SSB: variants seen among roughly 807,000 people sequenced by gnomAD.
SSB encodes the protein lupus La protein.
SSB carries 17 observed loss-of-function variants against 52.9 expected under a neutral mutation model. The ratio of observed to expected loss-of-function variants is 0.32; its 90% confidence interval spans 0.22 to 0.48. The LOEUF (loss-of-function observed/expected upper bound fraction) is 0.48, where lower values mean the gene tolerates loss of function less well. Among genes scored for constraint, SSB ranks in the 20% least tolerant of loss-of-function variants. The probability of loss-of-function intolerance (pLI) is 0.99; values close to 1 mark genes in which losing one functional copy is unlikely to be tolerated. For missense variants in SSB, 314 were observed against 463.6 expected (o/e 0.68, Z 2.96); for synonymous variants, 111 against 152.1 (o/e 0.73, Z 1.99).
chr2:169,804,598 T>G (rs1466147890), intron 2 of SSB, among the ~76,000 whole-genome samples: 1 of 151,774 alleles, frequency 6.6e-6, no homozygotes, highest in East Asian at 2.0e-4. Flanking sequence ...CAGGCTGGAA[T>G]GCAGTGGCAC....
At chr2:169,811,160 A>C (rs761375360) in intron 10 of SSB, 23 bp from the exon 11 acceptor site, 55 of 1,598,538 alleles carry the variant, frequency 3.4e-5, no homozygotes, top group Admixed American at 2.0e-4. Flanking sequence ...TTCTTTACAG[A>C]GTGCTCAATT....
chr2:169,807,174 G>GT (rs1689847163), intron 6 of SSB, 103 bp downstream of exon 6: 1 of 851,680 alleles, frequency 1.2e-6, no homozygotes, highest in African/African-American at 1.7e-5. Context: ...AATATTCTTA[G>GT]TATCTTTAGA....
At chr2:169,806,657 C>G in intron 4 of SSB, 128 bp from the exon 5 acceptor site, 1 of 707,856 alleles carries the variant, frequency 1.4e-6, no homozygotes, top group Non-Finnish European at 2.3e-6. Flanking sequence ...AAGTGATTAA[C>G]AAAGAGAAAT....
intron 6 of SSB, 22 bp from the exon 7 acceptor site, chr2:169,808,460 C>T: frequency 6.2e-7 from 1 of 1,603,026 alleles, no homozygotes; most frequent in South Asian, 1.1e-5. Context: ...TGAACTTAGC[C>T]TCTGTACTGT....
intron 2 of SSB, 85 bp downstream of exon 2, chr2:169,801,111 A>G: frequency 1.8e-6 from 2 of 1,126,370 alleles, no homozygotes; most frequent in South Asian, 1.7e-5. Flanking sequence ...ACATGGACAT[A>G]TTCAACATTT....
chr2:169,801,509 G>GTTTTTTTT (rs79940369), intron 2 of SSB, among the ~76,000 whole-genome samples: 8 of 73,680 alleles, frequency 1.1e-4, no homozygotes, highest in African/African-American at 2.1e-4. Context: ...CTTTAATATA[G>GTTTTTTTT]TTTTTTTTTT....
rs1184955701 is a variant in SSB at position 169,807,116 on chromosome 2, GACAC to G, written c.554+50_554+53del. On this transcript the variant is annotated intron_variant, in intron 6 of 11. Transcript: ENST00000260956. ...TTTCTCCTGGCCTTTTACTTATATG[GACAC>G]ACACTAGGGTAAGGAGCATGGAAGT... is the stretch of plus-strand genomic sequence containing the variant. 3 of 1,499,824 alleles carry G rather than the reference GACAC, an allele frequency of 2.0e-6. No individual in the cohort carries two copies. In the African/African-American group the frequency reaches 4.1e-5, roughly 21 times the overall value. 92.9% of individuals were successfully genotyped at this position (1,499,824 alleles called of 1,614,324 possible). A position where few individuals can be genotyped will look rare whatever the true frequency, so the allele number is the denominator to read the frequency against.
At position 169,811,925 on chromosome 2, in the gene SSB, G is replaced by C. The variant is rs1689972688; in HGVS notation, c.*169G>C. On this transcript the variant is annotated 3_prime_UTR_variant, in exon 12 of 12. Transcript: ENST00000260956. ...TTTGTTATGCAAATGAGATTTCTTT[G>C]AATGTATTGTTCTGTTTGTGTTATT... is the stretch of plus-strand genomic sequence containing the variant. 8.5e-6 allele frequency: 13 copies of C among 1,523,008 alleles called. No individual in the cohort carries two copies. The Admixed American group carries it at 2.3e-4, about 27-fold the overall frequency. 94.3% of individuals were successfully genotyped at this position (1,523,008 alleles called of 1,614,324 possible).
rs1410853037 is a variant in SSB, at chr2:169,798,885, C to T, written c.-101C>T. The T allele has an allele frequency of 2.0e-5, 3 of 152,380 alleles. No individual in the cohort carries two copies. Among genetic ancestry groups the T allele is most frequent in the South Asian group, 2.1e-4 (1 of 4,836 alleles). The allele number at this position is 152,380 out of a possible 1,614,324, so 9.4% of individuals were successfully genotyped here. A position where few individuals can be genotyped will look rare whatever the true frequency, so the allele number is the denominator to read the frequency against. On this transcript the variant is annotated 5_prime_UTR_variant, in exon 1 of 12. Coordinates refer to ENST00000260956, the MANE Select transcript of SSB (RefSeq NM_003142.5). ...GGACGGTCCCCATCTTCTTGGAGCG[C>T]TTTAGGCTGGCCGGCGGCGCTGGGA...
At chr2:169,808,630 A>C in intron 7 of SSB, 77 bp downstream of exon 7, 2 of 1,347,348 alleles carry the variant, frequency 1.5e-6, no homozygotes, top group South Asian at 2.4e-5. Context: ...TGAGCTCTGA[A>C]ATAGTGGCAG....
rs986865765 is a variant in SSB, at chr2:169,808,650, C to G, written c.626+97C>G. On this transcript the variant is annotated intron_variant, in intron 7 of 11. Transcript: ENST00000260956. ...TCTGAAATAGTGGCAGTAGACCTTT[C>G]TCTTTGCTAGTGAAACACTGAGATC... The G allele has an allele frequency of 8.3e-6, 10 of 1,203,288 alleles. No homozygotes were observed. In the African/African-American group the frequency reaches 1.2e-4, roughly 15 times the overall value. 74.5% of individuals were successfully genotyped at this position (1,203,288 alleles called of 1,614,324 possible).
Position 169,808,544 on chromosome 2 carries a change from G to T in SSB, c.617G>T (p.Arg206Ile). ...RKQNKVEAKL[R>I]AKQEQEAKQK... ...CAAAATAAAGTGGAAGCTAAATTAA[G>T]AGCTAAACAGTAAGTATGTTGAACT... The change falls in exon 7 of 12, where the codon AGA (arginine) becomes ATA (isoleucine). Residue 206 changes from arginine to isoleucine, a missense_variant. Arg to Ile is a moderately conservative substitution (Grantham distance 97). Coordinates refer to ENST00000260956, the MANE Select transcript of SSB (RefSeq NM_003142.5). 1 of 1,610,326 alleles carries T rather than the reference G, an allele frequency of 6.2e-7. No homozygotes were observed. The highest frequency in any genetic ancestry group is 1.1e-5 in the South Asian group (1 of 90,886).
rs772353316 is a variant in SSB, at chr2:169,808,899, A to C, written c.666A>C (p.Glu222Asp). The C allele has an allele frequency of 6.3e-7, 1 of 1,598,924 alleles. No individual in the cohort carries two copies. Among genetic ancestry groups the C allele is most frequent in the Non-Finnish European group, 8.6e-7 (1 of 1,166,694 alleles). ...EAKQKLEEDAEMKSLEEKIGC... is the reference protein window; with the variant it reads ...EAKQKLEEDADMKSLEEKIGC... ...AACAAAAGTTAGAAGAAGATGCTGA[A>C]ATGGTAAGTATATATTACTGCTATC... The change falls in exon 8 of 12, where the codon GAA becomes GAC. Residue 222 changes from glutamate to aspartate, a missense_variant. Physicochemically the swap from Glu to Asp is conservative, Grantham distance 45. Coordinates refer to ENST00000260956, the MANE Select transcript of SSB (RefSeq NM_003142.5).
chr2:169,811,550 T>C, intron 11 of SSB, 118 bp from the exon 12 acceptor site: 1 of 1,413,090 alleles, frequency 7.1e-7, no homozygotes, highest in Non-Finnish European at 9.4e-7. Context: ...CCTTTTCTCA[T>C]TGGTGCAAGG....
At chr2:169,802,074 A>G (rs1689724023) in intron 2 of SSB, among the ~76,000 whole-genome samples, 1 of 152,010 alleles carries the variant, frequency 6.6e-6, no homozygotes, top group Non-Finnish European at 1.5e-5. Context: ...AGTCCTAGCT[A>G]CTTGGGAAGC....
chr2:169,801,509 GTTTTTTTTTT>G (rs79940369), intron 2 of SSB, among the ~76,000 whole-genome samples: 2 of 73,666 alleles, frequency 2.7e-5, no homozygotes, highest in African/African-American at 1.0e-4. Flanking sequence ...CTTTAATATA[GTTTTTTTTTT>G]TTTTTTTTTT....
chr2:169,802,717 T>C (rs1282110813), intron 2 of SSB, among the ~76,000 whole-genome samples: 1 of 152,170 alleles, frequency 6.6e-6, no homozygotes, highest in Non-Finnish European at 1.5e-5. Flanking sequence ...TACAGCAAAA[T>C]TGAGCAGAAG....
Position 169,807,054 on chromosome 2 carries a change from C to G in SSB, c.537C>G (p.Asp179Glu), listed in dbSNP as rs751610012. The G allele has an allele frequency of 2.0e-5, 32 of 1,613,448 alleles. No individual in the cohort carries two copies. The South Asian group carries it at 3.5e-4, about 18-fold the overall frequency. ...ETPGQKYKETDLLILFKDDYF... is the reference protein window; with the variant it reads ...ETPGQKYKETELLILFKDDYF... ...CTGGCCAGAAGTACAAAGAAACAGA[C>G]CTGCTAATACTTTTCAAGTAAGTCT... Residue 179 changes from aspartate (D) to glutamate (E), a missense_variant, in exon 6 of 12, where the codon GAC becomes GAG. Asp to Glu is a conservative substitution (Grantham distance 45, BLOSUM62 2). Transcript: ENST00000260956.
chr2:169,803,066 TG>T (rs1689744777), intron 2 of SSB, among the ~76,000 whole-genome samples: 1 of 152,234 alleles, frequency 6.6e-6, no homozygotes, highest in South Asian at 2.1e-4. Context: ...TAAAAAACAC[TG>T]ATAATTGTCA....
Sources: allele counts gnomAD v4.1 joint callset (sites outside exome capture counted in the v4.1 genomes callset), GRCh38; gene constraint gnomAD v4.1.1; transcripts MANE v1.5; gene names NCBI Gene and HGNC (gene_info 2026-07-23, HGNC 2026-07-21).